The following DAP3 variants were observed in gnomAD, a reference collection of about 807,000 sequenced individuals.
DAP3 encodes death associated protein 3.
A neutral mutation model predicts 51.9 loss-of-function variants in DAP3; 28 were observed. The ratio of observed to expected loss-of-function variants is 0.54; its 90% CI spans 0.40 to 0.74. The LOEUF (loss-of-function observed/expected upper bound fraction) is 0.74. Ranked by LOEUF, DAP3 falls within the 30% of genes least tolerant of loss-of-function variation. The probability of loss-of-function intolerance (pLI) is 0.00; values close to 1 mark genes in which losing one functional copy is unlikely to be tolerated. For missense variants in DAP3, 458 were observed against 483.5 expected (o/e 0.95, Z 0.49); for synonymous variants, 170 against 170.3 (o/e 1.00, Z 0.01).
chr1:155,715,453 T>TTC (rs1657216861), intron 2 of DAP3, among the ~76,000 whole-genome samples: 1 of 150,358 alleles, frequency 6.7e-6, no homozygotes, highest in South Asian at 2.1e-4. Context: ...GCCTGGGAGT[T>TTC]TGAGACTACA....
intron 1 of DAP3, among the ~76,000 whole-genome samples, chr1:155,703,045 A>G (rs1655510570): frequency 6.6e-6 from 1 of 152,214 alleles, no homozygotes. Flanking sequence ...TATCTTGATT[A>G]CTGTAGTTTT....
rs113330578 is a variant in DAP3 at position 155,697,534 on chromosome 1, G to A, written c.-8+8360G>A. Among the ~76,000 whole-genome samples the A allele has an allele frequency of 2.3e-3, 344 of 152,196 alleles. 1 individual carries two copies. The highest frequency in any genetic ancestry group is 3.9e-3 in the Non-Finnish European group (265 of 68,004). On this transcript the variant is annotated intron_variant, in intron 1 of 12. Coordinates refer to ENST00000368336, the MANE Select transcript of DAP3 (RefSeq NM_004632.4). ...GCAGGTTCCATGATGCCCCTGAGCC[G>A]CAAAACCAGCAAGTTTTTATTATGG...
intron 7 of DAP3, 26 bp downstream of exon 7, chr1:155,727,764 G>C (rs755947357): frequency 1.2e-6 from 2 of 1,611,134 alleles, no homozygotes; most frequent in Admixed American, 3.4e-5. Context: ...GAAGTTGAGT[G>C]CTAGGTAGTC....
chr1:155,688,922 C>G (rs368291594), upstream of DAP3: 15 of 1,613,204 alleles, frequency 9.3e-6, no homozygotes, highest in African/African-American at 1.9e-4. Context: ...AGTCCCATGA[C>G]AACCTACCTC....
rs377130464 is a variant in DAP3 at position 155,709,288 on chromosome 1, G to A, written c.-7-485G>A. Among the ~76,000 whole-genome samples the A allele has an allele frequency of 3.3e-5, 5 of 152,170 alleles. No homozygotes were observed. In the East Asian group the frequency reaches 9.7e-4, roughly 29 times the overall value. ...GGCCTTCCGAGGAGCTGGGACTACA[G>A]GCATGCACTACCATGCCCTGCTAAT... On this transcript the variant is annotated intron_variant, in intron 1 of 12. Transcript: ENST00000368336.
Position 155,717,061 on chromosome 1 carries a change from C to T in DAP3, c.101C>T (p.Ala34Val), listed in dbSNP as rs1019811247. Residue 34 changes from alanine to valine, a missense_variant, in exon 3 of 13, where the codon GCT becomes GTT. By Grantham distance (64) the Ala-to-Val change is moderately conservative (BLOSUM62 0). Transcript: ENST00000368336. ...MGTQARQSIA[A>V]HLDNQVPVES... ...ACCCAGGCTCGCCAAAGCATTGCTG[C>T]TCACCTAGATAACCAGGTTCCAGTT... 2 of 1,613,978 alleles carry T rather than the reference C, an allele frequency of 1.2e-6. No homozygotes were observed. The highest frequency in any genetic ancestry group is 1.7e-6 in the Non-Finnish European group (2 of 1,180,038).
intron 2 of DAP3, among the ~76,000 whole-genome samples, chr1:155,712,911 T>C (rs762602275): frequency 1.3e-5 from 2 of 152,174 alleles, no homozygotes; most frequent in Non-Finnish European, 2.9e-5. Flanking sequence ...GTAGATAAAA[T>C]TGAGTAGCGT....
intron 3 of DAP3, among the ~76,000 whole-genome samples, chr1:155,719,300 G>A (rs181064247): frequency 6.7e-6 from 1 of 148,828 alleles, no homozygotes; most frequent in East Asian, 2.0e-4. Flanking sequence ...CAATGGCGCA[G>A]TCTCGTCTCA....
intron 11 of DAP3, among the ~76,000 whole-genome samples, chr1:155,734,711 C>T (rs1430021933): frequency 1.3e-5 from 2 of 151,576 alleles, no homozygotes; most frequent in African/African-American, 4.9e-5. Context: ...TACATACATA[C>T]ATGTATGTAT....
intron 9 of DAP3, among the ~76,000 whole-genome samples, chr1:155,730,435 A>G (rs1054990656): frequency 6.6e-6 from 1 of 151,582 alleles, no homozygotes; most frequent in Admixed American, 6.6e-5. Context: ...GCACAGTGAA[A>G]CCCTGTCCCT....
chr1:155,718,697 AAG>A (rs1305628731), intron 3 of DAP3, among the ~76,000 whole-genome samples: 16 of 136,510 alleles, frequency 1.2e-4, no homozygotes, highest in South Asian at 9.2e-4. Flanking sequence ...AAAAAAAAAA[AAG>A]AAAGAAAGAT....
chr1:155,734,736 C>T (rs1441883861), intron 11 of DAP3, among the ~76,000 whole-genome samples: 2 of 151,968 alleles, frequency 1.3e-5, no homozygotes, highest in Admixed American at 6.6e-5. Context: ...ATGTGTGAAC[C>T]ATATGCATAT....
In DAP3 at chr1:155,725,913, A is replaced by T; in HGVS notation, c.380-14A>T. On this transcript the variant is annotated splice_polypyrimidine_tract_variant and intron_variant, in intron 5 of 12. Transcript: ENST00000368336. ...TCCTTCCAGTCATGTTTTCTTTAACAACATATACTTTAGATGGAGAGAAGG... is the reference window on the plus strand; with the variant it reads ...TCCTTCCAGTCATGTTTTCTTTAACTACATATACTTTAGATGGAGAGAAGG... 6.2e-7 allele frequency: 1 copy of T among 1,610,556 alleles called. No individual in the cohort carries two copies. The highest frequency in any genetic ancestry group is 8.5e-7 in the Non-Finnish European group (1 of 1,177,236).
chr1:155,732,230 T>TTTA, intron 11 of DAP3, 197 bp downstream of exon 11: 1 of 393,862 alleles, frequency 2.5e-6, no homozygotes. Context: ...CAGAGTTTCT[T>TTTA]TTCTTTTTTT....
intron 1 of DAP3, among the ~76,000 whole-genome samples, chr1:155,702,431 A>G (rs1013185952): frequency 9.9e-5 from 15 of 151,834 alleles, no homozygotes; most frequent in Non-Finnish European, 1.8e-4. Context: ...CAATGAGCTG[A>G]GATCACACCA....
chr1:155,736,465 G>A (rs1242170845), intron 11 of DAP3: 1 of 194,134 alleles, frequency 5.2e-6, no homozygotes, highest in African/African-American at 2.4e-5. Context: ...CACCCATACT[G>A]TGACAGTATG....
chr1:155,699,947 CT>C (rs911389781), intron 1 of DAP3, among the ~76,000 whole-genome samples: 2 of 149,826 alleles, frequency 1.3e-5, no homozygotes, highest in African/African-American at 4.9e-5. Context: ...AGTTGCCTTT[CT>C]TTTTTTTGAG....
In DAP3 at chr1:155,725,211, G is replaced by A. The variant is rs528410845; in HGVS notation, c.271-171G>A. Reference sequence around the variant, plus strand: ...ATAATGTATTTCAGTTTTTAGCTAAGTTATATGGATAGATTTTCAAACTCA... The same window carrying A: ...ATAATGTATTTCAGTTTTTAGCTAAATTATATGGATAGATTTTCAAACTCA... On this transcript the variant is annotated intron_variant, in intron 4 of 12. Coordinates refer to ENST00000368336, the MANE Select transcript of DAP3 (RefSeq NM_004632.4). Among the ~76,000 whole-genome samples, 51 of 152,276 alleles carry A rather than the reference G, an allele frequency of 3.3e-4. No individual in the cohort carries two copies. In the Middle Eastern group the frequency reaches 0.014, roughly 41 times the overall value.
chr1:155,714,613 A>C (rs1230852273), intron 2 of DAP3, among the ~76,000 whole-genome samples: 2 of 152,004 alleles, frequency 1.3e-5, no homozygotes, highest in Non-Finnish European at 2.9e-5. Context: ...AAAAATACAA[A>C]AATTAGTCAG....
Sources: allele counts gnomAD v4.1 joint callset (sites outside exome capture counted in the v4.1 genomes callset), GRCh38; gene constraint gnomAD v4.1.1; transcripts MANE v1.5; gene names NCBI Gene and HGNC (gene_info 2026-07-23, HGNC 2026-07-21).